CPNE8: variants seen among roughly 807,000 people sequenced by gnomAD.
CPNE8 encodes copine 8.
Under a neutral mutation model 81.5 loss-of-function variants are expected in CPNE8, and 45 were observed. That is an observed-to-expected ratio of 0.55 (90% confidence interval 0.44 to 0.71). The LOEUF is 0.71. Ranked by LOEUF, CPNE8 falls within the 30% of genes least tolerant of loss-of-function variation. The pLI is 0.00. For missense variants in CPNE8, 594 were observed against 672.1 expected, an observed-to-expected ratio of 0.88 and a Z score of 1.28; for synonymous variants, 252 against 226.3, an observed-to-expected ratio of 1.11 and a Z score of -1.02.
At chr12:38,764,112 T>C (rs1941627113) in intron 8 of CPNE8, among the ~76,000 whole-genome samples, 1 of 152,084 alleles carries the variant, frequency 6.6e-6, no homozygotes, top group African/African-American at 2.4e-5. Context: ...TATGGTCAAA[T>C]GTTCTCAGAG....
chr12:38,656,607 G>T (rs1264798188), intron 19 of CPNE8, among the ~76,000 whole-genome samples: 1 of 152,146 alleles, frequency 6.6e-6, no homozygotes, highest in Non-Finnish European at 1.5e-5. Context: ...CCTGTTGCCT[G>T]CATGATCTTG....
At chr12:38,708,745 T>G (rs1268032656) in intron 13 of CPNE8, among the ~76,000 whole-genome samples, 1 of 152,096 alleles carries the variant, frequency 6.6e-6, no homozygotes, top group African/African-American at 2.4e-5. Flanking sequence ...ACAGCAAAGA[T>G]CCACAGGAAG....
upstream of CPNE8, chr12:38,906,709 C>G (rs1944576938): frequency 4.8e-6 from 3 of 628,594 alleles, no homozygotes; most frequent in South Asian, 2.1e-4. Flanking sequence ...CGAGGCGCCC[C>G]TCCACTGCAG....
intron 6 of CPNE8, among the ~76,000 whole-genome samples, chr12:38,796,526 A>C (rs1942477765): frequency 1.3e-5 from 2 of 152,206 alleles, no homozygotes; most frequent in Admixed American, 1.3e-4. Context: ...ATAGTTGAAC[A>C]ACAAAAATAG....
rs190761432 is a variant in CPNE8, at chr12:38,811,218, T to C, written c.407+18161A>G. On this transcript the variant is annotated intron_variant, in intron 6 of 19. Coordinates refer to ENST00000331366, the MANE Select transcript of CPNE8 (RefSeq NM_153634.3). Reference sequence around the variant, plus strand: ...AAGTTTTATTGCAGTATTGCGTATATAAAAAAAAACCTAAAAACTACTAAA... The same window carrying C: ...AAGTTTTATTGCAGTATTGCGTATACAAAAAAAAACCTAAAAACTACTAAA... 9.5e-3 allele frequency among the ~76,000 whole-genome samples: 1,427 copies of C among 150,720 alleles called. 20 individuals are homozygous for C. Among genetic ancestry groups the C allele is most frequent in the South Asian group, 0.04 (193 of 4,788 alleles).
chr12:38,759,334 A>C (rs1204749058), intron 10 of CPNE8, among the ~76,000 whole-genome samples: 2 of 152,200 alleles, frequency 1.3e-5, no homozygotes, highest in Non-Finnish European at 2.9e-5. Flanking sequence ...CAGGGCATAA[A>C]GTCCTTTACT....
chr12:38,816,692 A>G (rs2136998138), intron 6 of CPNE8, among the ~76,000 whole-genome samples: 1 of 152,358 alleles, frequency 6.6e-6, no homozygotes, highest in East Asian at 1.9e-4. Flanking sequence ...AAATTGAAAT[A>G]AATTCCTGCT....
At chr12:38,791,632 A>G (rs1942326277) in intron 6 of CPNE8, among the ~76,000 whole-genome samples, 2 of 151,650 alleles carry the variant, frequency 1.3e-5, no homozygotes, top group Admixed American at 1.3e-4. Flanking sequence ...ATAAAACAGA[A>G]AGAAAATAAT....
At chr12:38,835,672 T>C (rs1592128899) in intron 5 of CPNE8, among the ~76,000 whole-genome samples, 1 of 152,204 alleles carries the variant, frequency 6.6e-6, no homozygotes, top group Non-Finnish European at 1.5e-5. Context: ...GAAAGAATCT[T>C]GCCCCACTTA....
At chr12:38,776,340 T>G (rs753964569) in intron 6 of CPNE8, 39 bp from the exon 7 acceptor site, 1 of 763,468 alleles carries the variant, frequency 1.3e-6, no homozygotes, top group Non-Finnish European at 2.0e-6. Context: ...ATTAATATGT[T>G]ATATTAATAC....
intron 19 of CPNE8, among the ~76,000 whole-genome samples, chr12:38,656,787 G>A (rs2630778): frequency 0.12 from 18,471 of 152,150 alleles, 1,383 homozygotes; most frequent in East Asian, 0.24. Context: ...GAACTGGCCA[G>A]CAACTTAGCT....
In CPNE8 at chr12:38,854,460, A is replaced by T. The variant is rs12308956; in HGVS notation, c.187-5798T>A. 5.1e-3 allele frequency among the ~76,000 whole-genome samples: 775 copies of T among 151,886 alleles called. 9 individuals are homozygous for T. Among genetic ancestry groups the T allele is most frequent in the African/African-American group, 0.018 (745 of 41,324 alleles). Reference sequence around the variant, plus strand: ...CACCCTGATACCAAAGCCAGACAAAAACATTATAAGAAAAGAAAACTAAAG... The same window carrying T: ...CACCCTGATACCAAAGCCAGACAAATACATTATAAGAAAAGAAAACTAAAG... On this transcript the variant is annotated intron_variant, in intron 3 of 19. Coordinates refer to ENST00000331366, the MANE Select transcript of CPNE8 (RefSeq NM_153634.3).
intron 1 of CPNE8, among the ~76,000 whole-genome samples, chr12:38,885,704 T>C (rs1266906157): frequency 1.3e-5 from 2 of 152,168 alleles, no homozygotes; most frequent in East Asian, 3.9e-4. Context: ...CTGATATTGT[T>C]TGGCTCTATG....
intron 15 of CPNE8, among the ~76,000 whole-genome samples, chr12:38,690,431 T>C (rs1939648158): frequency 6.6e-6 from 1 of 152,166 alleles, no homozygotes; most frequent in African/African-American, 2.4e-5. Context: ...AATATAATCA[T>C]TCGGTAATAT....
In CPNE8 at chr12:38,760,832, TA is replaced by T; in HGVS notation, c.722+14del. On this transcript the variant is annotated intron_variant, in intron 10 of 19. Transcript: ENST00000331366. ...TACACCCAGTTCAAGAGTAAGAAGATAAGAACTGTCTTACCTTCCATCTCGG... is the reference window on the plus strand; with the variant it reads ...TACACCCAGTTCAAGAGTAAGAAGATAGAACTGTCTTACCTTCCATCTCGG... The T allele has an allele frequency of 6.3e-7, 1 of 1,591,836 alleles. No homozygotes were observed.
At chr12:38,783,800 C>T (rs940406170) in intron 6 of CPNE8, among the ~76,000 whole-genome samples, 1 of 152,202 alleles carries the variant, frequency 6.6e-6, no homozygotes, top group Non-Finnish European at 1.5e-5. Context: ...CTGCAAGAAC[C>T]ACAGCATTGG....
intron 15 of CPNE8, among the ~76,000 whole-genome samples, chr12:38,690,900 C>G (rs1400825821): frequency 6.6e-6 from 1 of 152,046 alleles, no homozygotes; most frequent in Non-Finnish European, 1.5e-5. Flanking sequence ...TAAGACACAA[C>G]AAAATCCCAA....
intron 4 of CPNE8, among the ~76,000 whole-genome samples, chr12:38,843,752 T>A (rs1041390844): frequency 3.9e-5 from 6 of 152,020 alleles, no homozygotes; most frequent in African/African-American, 1.2e-4. Flanking sequence ...GATTCCCACA[T>A]AAGGTCTGGA....
chr12:38,685,656 TAA>T, intron 15 of CPNE8, 39 bp from the exon 16 acceptor site: 2 of 1,589,792 alleles, frequency 1.3e-6, no homozygotes, highest in Non-Finnish European at 1.7e-6. Flanking sequence ...AAAACAACAG[TAA>T]AAAAGTAAAT....
Sources: gnomAD v4.1 joint callset for allele counts (sites outside exome capture counted in the v4.1 genomes callset) on GRCh38, gnomAD v4.1.1 for gene constraint, MANE v1.5 for transcripts, NCBI Gene and HGNC (gene_info 2026-07-23, HGNC 2026-07-21) for gene names.